CALN1: variants seen among roughly 807,000 people sequenced by gnomAD.
CALN1 encodes the protein calneuron 1.
In CALN1, 17 loss-of-function variants were observed where a neutral mutation model predicts 30.6. The ratio of observed to expected loss-of-function variants is 0.56; its 90% confidence interval spans 0.38 to 0.83. The LOEUF (loss-of-function observed/expected upper bound fraction) is 0.83. CALN1 is among the 40% of genes least tolerant of loss of function. The probability of loss-of-function intolerance (pLI) is 0.00; values close to 1 mark genes in which losing one functional copy is unlikely to be tolerated. For missense variants in CALN1, 291 were observed against 354.9 expected, an observed-to-expected ratio of 0.82 and a Z score of 1.45; for synonymous variants, 156 against 131.4, an observed-to-expected ratio of 1.19 and a Z score of -1.28.
chr7:72,454,119 C>G, the CALN1 span, among the ~76,000 whole-genome samples: 1 of 152,106 alleles, frequency 6.6e-6, no homozygotes, highest in African/African-American at 2.4e-5. Context: ...GTACGTTTTA[C>G]TAATATTTTT....
At chr7:72,319,816 T>TA (rs1397893814) in intron 2 of CALN1, among the ~76,000 whole-genome samples, 12 of 151,684 alleles carry the variant, frequency 7.9e-5, no homozygotes, top group Non-Finnish European at 1.5e-5. Context: ...CACACGGACA[T>TA]AGAGAGTGGA....
chr7:71,960,101 C>A (rs1380547883), intron 5 of CALN1, among the ~76,000 whole-genome samples: 1 of 148,950 alleles, frequency 6.7e-6, no homozygotes, highest in Non-Finnish European at 1.5e-5. Flanking sequence ...CCACTGCACT[C>A]CAGCCTGGGC....
At chr7:71,981,722 A>T (rs1798404882) in intron 5 of CALN1, among the ~76,000 whole-genome samples, 1 of 151,706 alleles carries the variant, frequency 6.6e-6, no homozygotes, top group African/African-American at 2.4e-5. Context: ...GCTTCTGGAT[A>T]GCTGAACACG....
chr7:71,982,895 A>T (rs1215231212), intron 5 of CALN1, among the ~76,000 whole-genome samples: 1 of 152,226 alleles, frequency 6.6e-6, no homozygotes, highest in Non-Finnish European at 1.5e-5. Flanking sequence ...ACCTGGGACT[A>T]GGCATGTCCA....
At chr7:72,210,922 G>A (rs778649880) in intron 3 of CALN1, among the ~76,000 whole-genome samples, 1 of 151,910 alleles carries the variant, frequency 6.6e-6, no homozygotes, top group Non-Finnish European at 1.5e-5. Flanking sequence ...TGGGATGGTG[G>A]TACAAGCTTG....
chr7:72,226,511 C>T (rs895125412), intron 3 of CALN1, among the ~76,000 whole-genome samples: 14 of 152,274 alleles, frequency 9.2e-5, no homozygotes, highest in African/African-American at 3.1e-4. Context: ...AGCTTCAACA[C>T]CCCACATTGT....
At position 72,034,380 on chromosome 7, in the gene CALN1, A is replaced by C. The variant is rs537461203; in HGVS notation, c.389-10611T>G. Among the ~76,000 whole-genome samples, 44 of 151,530 alleles carry C rather than the reference A, an allele frequency of 2.9e-4. No homozygotes were observed. In the East Asian group the frequency reaches 3.1e-3, roughly 11 times the overall value. ...AAAAAAAAAAAAAAAAGAAAAGAAA[A>C]GAAACTAGGAACAACAAAGAAGTCA... On this transcript the variant is annotated intron_variant, in intron 4 of 6. Transcript: ENST00000395275.
intron 3 of CALN1, among the ~76,000 whole-genome samples, chr7:72,139,660 GGCCATGTCCACCCTCTTCTAAGCTCCTCA>G (rs1224407595): frequency 6.6e-6 from 1 of 151,536 alleles, no homozygotes. Flanking sequence ...TAAGCACCTC[GGCCATGTCCACCCTCTTCTAAGCTCCTCA>G]GCCATGTCCA....
At chr7:71,923,094 G>T (rs986041260) in intron 5 of CALN1, among the ~76,000 whole-genome samples, 1 of 150,662 alleles carries the variant, frequency 6.6e-6, no homozygotes, top group Non-Finnish European at 1.5e-5. Flanking sequence ...CCTAAGAAAT[G>T]GGTAATTTTG....
rs558832441 is a variant in CALN1 at position 71,877,598 on chromosome 7, T to C, written c.502-67106A>G. On this transcript the variant is annotated intron_variant, in intron 5 of 6. Transcript: ENST00000395275. ...TATAATGACCTCAAACTATAAATTA[T>C]TTATGAATACATTTGGCGAGAAAGT... Among the ~76,000 whole-genome samples, 6 of 152,180 alleles carry C rather than the reference T, an allele frequency of 3.9e-5. No individual in the cohort carries two copies. The East Asian group carries it at 1.2e-3, about 29-fold the overall frequency.
At chr7:72,233,420 AAGAGAG>A (rs1237399211) in intron 3 of CALN1, among the ~76,000 whole-genome samples, 4 of 152,140 alleles carry the variant, frequency 2.6e-5, no homozygotes, top group Non-Finnish European at 5.9e-5. Flanking sequence ...GTTTCCTTTC[AAGAGAG>A]AGAAAAAGGC....
rs185523322 is a variant in CALN1, at chr7:72,196,408, C to T, written c.244+82278G>A. ...TGCTAGAATTACAGGCATGAGCCAC[C>T]GCTCCTGGCCTTCAGTTTCTTTATG... On this transcript the variant is annotated intron_variant, in intron 3 of 6. Transcript: ENST00000395275. Among the ~76,000 whole-genome samples, 126 of 152,300 alleles carry T rather than the reference C, an allele frequency of 8.3e-4. 1 individual carries two copies. Among genetic ancestry groups the T allele is most frequent in the Non-Finnish European group, 1.4e-3 (98 of 68,028 alleles).
At chr7:72,482,294 T>C in the CALN1 span, among the ~76,000 whole-genome samples, 1 of 152,168 alleles carries the variant, frequency 6.6e-6, no homozygotes, top group Non-Finnish European at 1.5e-5. Flanking sequence ...TAAAGGGTTC[T>C]TGCTTTTTTA....
intron 3 of CALN1, among the ~76,000 whole-genome samples, chr7:72,247,498 G>T (rs1211924159): frequency 2.0e-5 from 3 of 151,682 alleles, no homozygotes; most frequent in Admixed American, 2.0e-4. Context: ...CTTGTGATCT[G>T]CCCGCCTCAG....
chr7:71,833,478 G>A (rs762270581), intron 5 of CALN1, among the ~76,000 whole-genome samples: 4 of 151,180 alleles, frequency 2.6e-5, no homozygotes, highest in Non-Finnish European at 5.9e-5. Flanking sequence ...AATAAGCCAT[G>A]ATTCTATAGA....
At chr7:72,389,366 A>G (rs1200039429) in intron 2 of CALN1, among the ~76,000 whole-genome samples, 1 of 152,184 alleles carries the variant, frequency 6.6e-6, no homozygotes, top group African/African-American at 2.4e-5. Context: ...CTCCATCCTC[A>G]AAATTAAGCC....
At chr7:71,849,436 ATTT>A (rs3063933) in intron 5 of CALN1, among the ~76,000 whole-genome samples, 41 of 140,252 alleles carry the variant, frequency 2.9e-4, no homozygotes, top group African/African-American at 1.0e-3. Context: ...GGATCTTCCT[ATTT>A]TTTTTTTTTT....
chr7:72,063,822 T>C (rs1293656880), intron 4 of CALN1, among the ~76,000 whole-genome samples: 2 of 152,136 alleles, frequency 1.3e-5, no homozygotes, highest in South Asian at 2.1e-4. Context: ...AATCAGTAAG[T>C]ATAATACAAA....
rs180843351 is a variant in CALN1 at position 71,941,926 on chromosome 7, C to T, written c.501+81731G>A. Among the ~76,000 whole-genome samples the T allele has an allele frequency of 3.4e-4, 52 of 152,134 alleles. 1 individual carries two copies. The East Asian group carries it at 5.8e-3, about 17-fold the overall frequency. ...ATAAAAAAGTCAACTGGGCTGGGCC[C>T]GGTAGCTCACGCCTGTAATCCCAGC... On this transcript the variant is annotated intron_variant, in intron 5 of 6. Transcript: ENST00000395275.
Sources: allele counts gnomAD v4.1 joint callset (sites outside exome capture counted in the v4.1 genomes callset), GRCh38; gene constraint gnomAD v4.1.1; transcripts MANE v1.5; gene names NCBI Gene and HGNC (gene_info 2026-07-23, HGNC 2026-07-21).